Variants in RBM20 observed in about 807,000 individuals in gnomAD.
RBM20 encodes RNA binding motif protein 20.
In RBM20, 51 loss-of-function variants were observed where a neutral mutation model predicts 110.1. That is an observed-to-expected ratio of 0.46 (90% CI 0.37 to 0.59). The LOEUF (loss-of-function observed/expected upper bound fraction) is 0.59. Among genes scored for constraint, RBM20 ranks in the 20% least tolerant of loss-of-function variants. RBM20 has a pLI of 0.00. For synonymous variants in RBM20, 589 were observed against 618.2 expected (o/e 0.95, Z 0.70); for missense variants, 1,512 against 1,574.9 (o/e 0.96, Z 0.68).
In RBM20 at chr10:110,737,177, C is replaced by CAAAAAAAAAAAAAAAA. The variant is rs550138775; in HGVS notation, c.192-43619_192-43604dup. 5.6e-4 allele frequency among the ~76,000 whole-genome samples: 15 copies of CAAAAAAAAAAAAAAAA among 26,618 alleles called. 1 individual carries two copies. Among genetic ancestry groups the CAAAAAAAAAAAAAAAA allele is most frequent in the African/African-American group, 2.1e-3 (12 of 5,586 alleles). The allele number at this position is 26,618 out of a possible 152,430, so 17.5% of individuals were successfully genotyped here. A position where few individuals can be genotyped will look rare whatever the true frequency, so the allele number is the denominator to read the frequency against. The stretch of plus-strand genomic sequence containing the variant: ...GGGCAAGAAGAGTGAAACTCTGCCT[C>CAAAAAAAAAAAAAAAA]AAAAAAAAAAAAAAAAAAAACACCC... On this transcript the variant is annotated intron_variant, in intron 1 of 13. Coordinates refer to ENST00000369519, the MANE Select transcript of RBM20 (RefSeq NM_001134363.3).
intron 6 of RBM20, among the ~76,000 whole-genome samples, chr10:110,799,447 C>G (rs1002747714): frequency 6.6e-6 from 1 of 152,130 alleles, no homozygotes; most frequent in Non-Finnish European, 1.5e-5. Flanking sequence ...CTTGTGCTGA[C>G]TTTTTTTCCT....
At chr10:110,793,023 G>A (rs576304273) in intron 5 of RBM20, among the ~76,000 whole-genome samples, 3 of 152,290 alleles carry the variant, frequency 2.0e-5, no homozygotes, top group Non-Finnish European at 2.9e-5. Context: ...GCTTGTCAAG[G>A]CATCTGGGAG....
chr10:110,756,563 C>T (rs1843924561), intron 1 of RBM20: 1 of 152,260 alleles, frequency 6.6e-6, no homozygotes. Flanking sequence ...CCTCAATGCA[C>T]ATTCCTCCCA....
intron 1 of RBM20, among the ~76,000 whole-genome samples, chr10:110,672,929 C>CTA: frequency 6.6e-6 from 1 of 152,278 alleles, no homozygotes; most frequent in Admixed American, 6.5e-5. Context: ...TTTAATTGTA[C>CTA]TATGAAGCTC....
chr10:110,701,224 C>T (rs901266338), intron 1 of RBM20, among the ~76,000 whole-genome samples: 1 of 152,092 alleles, frequency 6.6e-6, no homozygotes, highest in Non-Finnish European at 1.5e-5. Flanking sequence ...GTGGTTCTTT[C>T]TCAAAATTAC....
intron 1 of RBM20, among the ~76,000 whole-genome samples, chr10:110,750,523 A>G (rs1843839827): frequency 6.6e-6 from 1 of 152,214 alleles, no homozygotes; most frequent in South Asian, 2.1e-4. Context: ...GAGCATCGTC[A>G]CAAGCATTAA....
intron 1 of RBM20, among the ~76,000 whole-genome samples, chr10:110,720,508 C>T (rs1843492717): frequency 6.6e-6 from 1 of 152,316 alleles, no homozygotes; most frequent in South Asian, 2.1e-4. Context: ...TCTTTTCTCC[C>T]CACATCCAGT....
intron 1 of RBM20, among the ~76,000 whole-genome samples, chr10:110,668,598 G>A (rs1590605745): frequency 8.3e-6 from 1 of 120,152 alleles, no homozygotes; most frequent in Non-Finnish European, 2.0e-5. Flanking sequence ...CAGGTGGAGG[G>A]AGGGAGAGGA....
intron 1 of RBM20, among the ~76,000 whole-genome samples, chr10:110,773,028 C>T (rs1351874628): frequency 6.6e-6 from 1 of 152,184 alleles, no homozygotes; most frequent in Non-Finnish European, 1.5e-5. Flanking sequence ...CCTAGGATCC[C>T]ACAGGGAGTG....
At chr10:110,799,154 C>G (rs1844589416) in intron 6 of RBM20, among the ~76,000 whole-genome samples, 1 of 152,046 alleles carries the variant, frequency 6.6e-6, no homozygotes, top group South Asian at 2.1e-4. Flanking sequence ...CTCAAATAAC[C>G]AAAGCTTGTG....
rs1387852539 is a variant in RBM20, at chr10:110,821,564, G to T, written c.2945G>T (p.Arg982Ile). 13 of 1,551,172 alleles carry T rather than the reference G, an allele frequency of 8.4e-6. No individual in the cohort carries two copies. In the East Asian group the frequency reaches 3.2e-4, roughly 38 times the overall value. ...GCAGAAATCAGCCTCAAGTCACCCAGAGAACTGCCCTCTGCTTCCACAAGC... is the reference window on the plus strand; with the variant it reads ...GCAGAAATCAGCCTCAAGTCACCCATAGAACTGCCCTCTGCTTCCACAAGC... ...GAAEISLKSP[R>I]ELPSASTSCP... is the part of the protein sequence containing the mutation. The change falls in exon 11 of 14, where the codon AGA (arginine) becomes ATA (isoleucine). Residue 982 changes from arginine to isoleucine, a missense_variant. Physicochemically the swap from Arg to Ile is moderately conservative, Grantham distance 97. This residue lies in a region of RBM20 where 358 missense variants were observed against 384.2 expected (regional missense o/e 0.93). Coordinates refer to ENST00000369519, the MANE Select transcript of RBM20 (RefSeq NM_001134363.3).
intron 1 of RBM20, among the ~76,000 whole-genome samples, chr10:110,707,325 G>C (rs961674768): frequency 6.6e-6 from 1 of 152,176 alleles, no homozygotes; most frequent in Non-Finnish European, 1.5e-5. Flanking sequence ...ATATTCCAGA[G>C]TGTATATTGT....
chr10:110,685,083 C>T (rs1564815214), intron 1 of RBM20, among the ~76,000 whole-genome samples: 1 of 152,244 alleles, frequency 6.6e-6, no homozygotes, highest in Admixed American at 6.5e-5. Context: ...GCGAATGACC[C>T]AGCTGTTGGC....
intron 1 of RBM20, among the ~76,000 whole-genome samples, chr10:110,769,937 T>C (rs779374219): frequency 7.2e-5 from 11 of 152,266 alleles, no homozygotes; most frequent in Middle Eastern, 3.4e-3. Context: ...CAGGCTGTTC[T>C]CGAATTCCTG....
At chr10:110,701,207 G>A (rs368600720) in intron 1 of RBM20, among the ~76,000 whole-genome samples, 142 of 152,152 alleles carry the variant, frequency 9.3e-4, no homozygotes, top group African/African-American at 3.4e-3. Flanking sequence ...TCTCAACTCC[G>A]TTCCCAGTGG....
At chr10:110,724,933 C>T (rs902110847) in intron 1 of RBM20, among the ~76,000 whole-genome samples, 2 of 152,182 alleles carry the variant, frequency 1.3e-5, no homozygotes, top group East Asian at 3.9e-4. Context: ...GTCAGGTCTT[C>T]GAGGAGGAGT....
chr10:110,821,448 A>G lies in RBM20; in HGVS notation c.2829A>G (p.Pro943=). The change falls in exon 11 of 14, where the codon CCA becomes CCG. Residue 943 remains proline, a synonymous_variant. Coordinates refer to ENST00000369519, the MANE Select transcript of RBM20 (RefSeq NM_001134363.3). ...VPIDQKDKIC[P]ETCLCVTTTL... is the part of the protein sequence containing the mutation. ...TTGACCAGAAAGACAAAATTTGCCC[A>G]GAAACATGTCTGTGTGTGACAACCA... 1 of 1,551,836 alleles carries G rather than the reference A, an allele frequency of 6.4e-7. No homozygotes were observed. Among genetic ancestry groups the G allele is most frequent in the Non-Finnish European group, 8.7e-7 (1 of 1,147,028 alleles).
chr10:110,702,201 G>T (rs892374302), intron 1 of RBM20, among the ~76,000 whole-genome samples: 2 of 152,192 alleles, frequency 1.3e-5, no homozygotes, highest in Non-Finnish European at 2.9e-5. Flanking sequence ...CCAAGTGGAA[G>T]ATTTTACATT....
At position 110,781,611 on chromosome 10, in the gene RBM20, A is replaced by C. The variant is rs760124791; in HGVS notation, c.1002A>C (p.Thr334=). 1.3e-6 allele frequency: 2 copies of C among 1,551,160 alleles called. No individual in the cohort carries two copies. Among genetic ancestry groups the C allele is most frequent in the Non-Finnish European group, 1.7e-6 (2 of 1,146,522 alleles). The change falls in exon 2 of 14, where the codon ACA becomes ACC. Residue 334 remains threonine (T), a synonymous_variant. Transcript: ENST00000369519. The part of the protein sequence containing the change: ...GFSGQSKPDL[T]AGPMWPPPHN... ...CGGGCCAAAGCAAGCCTGATCTCAC[A>C]GCAGGTCCCATGTGGCCTCCACCCC...
Sources: allele counts gnomAD v4.1 joint callset (sites outside exome capture counted in the v4.1 genomes callset), GRCh38; gene constraint gnomAD v4.1.1; regional missense constraint gnomAD v4.1.1; transcripts MANE v1.5; gene names NCBI Gene and HGNC (gene_info 2026-07-23, HGNC 2026-07-21).